CNTNAP2: variants seen among roughly 807,000 people sequenced by gnomAD.
The protein encoded by CNTNAP2 is contactin associated protein 2.
In CNTNAP2, 98 loss-of-function variants were observed where a neutral mutation model predicts 155.2. That is an observed-to-expected ratio of 0.63 (90% CI 0.54 to 0.75). The LOEUF is 0.75. CNTNAP2 is among the 30% of genes least tolerant of loss of function. The pLI, the probability that CNTNAP2 is intolerant of heterozygous loss-of-function variation, is 0.00. For missense variants in CNTNAP2, 1,727 were observed against 1,688.1 expected (o/e 1.02, Z -0.40); for synonymous variants, 651 against 631.2 (o/e 1.03, Z -0.47).
At chr7:146,669,000 C>A (rs1254129821) in intron 1 of CNTNAP2, among the ~76,000 whole-genome samples, 1 of 151,868 alleles carries the variant, frequency 6.6e-6, no homozygotes, top group Non-Finnish European at 1.5e-5. Flanking sequence ...TCATGTGTAC[C>A]TGAAAGTATA....
chr7:147,871,474 G>A (rs914022340), intron 13 of CNTNAP2, among the ~76,000 whole-genome samples: 1 of 152,174 alleles, frequency 6.6e-6, no homozygotes, highest in Non-Finnish European at 1.5e-5. Flanking sequence ...GGGACTTAAA[G>A]ACGTCAGTGC....
At chr7:146,303,460 A>G (rs1800650960) in intron 1 of CNTNAP2, among the ~76,000 whole-genome samples, 1 of 152,196 alleles carries the variant, frequency 6.6e-6, no homozygotes, top group Non-Finnish European at 1.5e-5. Context: ...TAAGTTCACA[A>G]TACATTGATG....
intron 14 of CNTNAP2, among the ~76,000 whole-genome samples, chr7:147,914,505 A>C (rs1362679623): frequency 6.6e-6 from 1 of 150,740 alleles, no homozygotes; most frequent in African/African-American, 2.4e-5. Flanking sequence ...GCATCACTGC[A>C]TTCCAGCTTG....
intron 3 of CNTNAP2, among the ~76,000 whole-genome samples, chr7:146,903,506 T>C (rs1455429250): frequency 6.6e-6 from 1 of 152,230 alleles, no homozygotes; most frequent in Non-Finnish European, 1.5e-5. Context: ...TCTCAGTCTT[T>C]CCATCTTAGA....
At chr7:148,080,094 T>C (rs1056638462) in intron 15 of CNTNAP2, among the ~76,000 whole-genome samples, 2 of 152,216 alleles carry the variant, frequency 1.3e-5, no homozygotes, top group African/African-American at 2.4e-5. Context: ...TCCAGGTTGA[T>C]TGTGGTTCTG....
At chr7:148,369,787 C>T (rs1251500389) in intron 21 of CNTNAP2, among the ~76,000 whole-genome samples, 9 of 151,992 alleles carry the variant, frequency 5.9e-5, no homozygotes, top group Middle Eastern at 3.4e-3. Flanking sequence ...TGGCCAAGTC[C>T]GGCTCTACGC....
intron 13 of CNTNAP2, among the ~76,000 whole-genome samples, chr7:147,886,895 C>T (rs1799609167): frequency 6.6e-6 from 1 of 152,206 alleles, no homozygotes; most frequent in Non-Finnish European, 1.5e-5. Flanking sequence ...GCATTTACCA[C>T]TAGCTGATCC....
At chr7:147,371,484 A>G (rs1197854216) in intron 9 of CNTNAP2, among the ~76,000 whole-genome samples, 1 of 152,180 alleles carries the variant, frequency 6.6e-6, no homozygotes, top group African/African-American at 2.4e-5. Flanking sequence ...GACTGCACAG[A>G]AGGAGACCTT....
intron 20 of CNTNAP2, among the ~76,000 whole-genome samples, chr7:148,260,676 G>A (rs749561033): frequency 1.3e-5 from 2 of 152,196 alleles, no homozygotes; most frequent in African/African-American, 4.8e-5. Context: ...GTTTCCTAGT[G>A]GCCCCCTAGG....
chr7:146,365,291 G>A (rs1446782567), intron 1 of CNTNAP2, among the ~76,000 whole-genome samples: 1 of 152,060 alleles, frequency 6.6e-6, no homozygotes, highest in Non-Finnish European at 1.5e-5. Flanking sequence ...TCTCTCTAAG[G>A]ACCCTCAGCA....
In CNTNAP2 at chr7:146,426,056, C is replaced by T. The variant is rs991451260; in HGVS notation, c.97+309083C>T. Among the ~76,000 whole-genome samples the T allele has an allele frequency of 3.3e-5, 5 of 151,210 alleles. No individual in the cohort carries two copies. The South Asian group carries it at 1.0e-3, about 31-fold the overall frequency. ...CAAAAATTAGCTGGCCGTGGCGGCG[C>T]AAGCCTGTAATATGAGCTACGCGGG... On this transcript the variant is annotated intron_variant, in intron 1 of 23. Transcript: ENST00000361727.
chr7:146,783,248 T>A (rs1802520360), intron 2 of CNTNAP2, among the ~76,000 whole-genome samples: 1 of 152,150 alleles, frequency 6.6e-6, no homozygotes, highest in Admixed American at 6.5e-5. Context: ...AAAATTGTTC[T>A]GGACATTAGG....
At position 148,174,419 on chromosome 7, in the gene CNTNAP2, C is replaced by CT. The variant is rs61138548; in HGVS notation, c.3010+1941_3010+1942insT. On this transcript the variant is annotated intron_variant, in intron 18 of 23. Transcript: ENST00000361727. ...GTGCCTGCACAGCAGTTCCTGTGAC[C>CT]GCCCCCCACCTCAGGCTGGTGCTTC... Among the ~76,000 whole-genome samples, 46 of 142,440 alleles carry CT rather than the reference C, an allele frequency of 3.2e-4. No individual in the cohort carries two copies. In the East Asian group the frequency reaches 7.2e-3, roughly 22 times the overall value. The allele number at this position is 142,440 out of a possible 152,430, so 93.4% of individuals were successfully genotyped here.
chr7:146,843,208 T>G (rs1460076371), intron 3 of CNTNAP2, among the ~76,000 whole-genome samples: 1 of 137,338 alleles, frequency 7.3e-6, no homozygotes, highest in Non-Finnish European at 1.5e-5. Flanking sequence ...GAGACGGGGT[T>G]TCACCTTGTT....
chr7:147,312,132 G>T (rs1048777034), intron 9 of CNTNAP2, among the ~76,000 whole-genome samples: 2 of 151,966 alleles, frequency 1.3e-5, no homozygotes, highest in African/African-American at 4.8e-5. Flanking sequence ...AGCTTTTGCT[G>T]AACTCACCCC....
intron 14 of CNTNAP2, among the ~76,000 whole-genome samples, chr7:147,943,016 G>A (rs910646756): frequency 5.3e-5 from 8 of 150,966 alleles, no homozygotes; most frequent in African/African-American, 4.9e-5. Flanking sequence ...CAGCCTGGGC[G>A]ACAAAGCGAG....
At chr7:147,564,210 C>T (rs1209503565) in intron 12 of CNTNAP2, among the ~76,000 whole-genome samples, 3 of 151,902 alleles carry the variant, frequency 2.0e-5, no homozygotes, top group African/African-American at 4.8e-5. Flanking sequence ...TGGGAACTAG[C>T]GTCCCCCTAA....
intron 1 of CNTNAP2, among the ~76,000 whole-genome samples, chr7:146,378,466 AT>A (rs1432753939): frequency 6.6e-6 from 1 of 152,186 alleles, no homozygotes. Flanking sequence ...GCTTGGAGCT[AT>A]TTCAAGTACT....
At chr7:147,402,562 C>G (rs1303488967) in intron 10 of CNTNAP2, among the ~76,000 whole-genome samples, 1 of 152,154 alleles carries the variant, frequency 6.6e-6, no homozygotes, top group East Asian at 1.9e-4. Context: ...TGGTTGGTGA[C>G]TATACACACT....
Sources: allele counts gnomAD v4.1 joint callset (sites outside exome capture counted in the v4.1 genomes callset), GRCh38; gene constraint gnomAD v4.1.1; transcripts MANE v1.5; gene names NCBI Gene and HGNC (gene_info 2026-07-23, HGNC 2026-07-21).